The following COL21A1 variants were observed in gnomAD, a reference collection of about 807,000 sequenced individuals.
The protein encoded by COL21A1 is collagen alpha-1(XXI) chain.
In COL21A1, 149 loss-of-function variants were observed where a neutral mutation model predicts 137.9. That is an observed-to-expected ratio of 1.08 (90% CI 0.95 to 1.24). The LOEUF is 1.24. Among genes scored for constraint, COL21A1 ranks in the 50% most tolerant of loss-of-function variants. The pLI is 0.00. For missense variants in COL21A1, 1,167 were observed against 1,158.4 expected (o/e 1.01, Z -0.11); for synonymous variants, 456 against 391.5 (o/e 1.16, Z -1.95).
chr6:56,260,812 G>C (rs938778333), intron 1 of COL21A1, among the ~76,000 whole-genome samples: 1 of 141,470 alleles, frequency 7.1e-6, no homozygotes, highest in Non-Finnish European at 1.5e-5. Flanking sequence ...TGTATTCAAA[G>C]AAGCCACATT....
intron 1 of COL21A1, among the ~76,000 whole-genome samples, chr6:56,294,991 A>G (rs1764129736): frequency 6.6e-6 from 1 of 151,880 alleles, no homozygotes; most frequent in Admixed American, 6.6e-5. Flanking sequence ...TGTTTTTGGT[A>G]TTGTATATAA....
chr6:56,351,737 C>T (rs947857581), intron 1 of COL21A1, among the ~76,000 whole-genome samples: 2 of 152,198 alleles, frequency 1.3e-5, no homozygotes, highest in Admixed American at 1.3e-4. Context: ...ATTGGAACCA[C>T]TGCTGGAAGA....
intron 12 of COL21A1, among the ~76,000 whole-genome samples, chr6:56,128,062 C>A (rs1773195794): frequency 6.6e-6 from 1 of 152,124 alleles, no homozygotes; most frequent in Non-Finnish European, 1.5e-5. Flanking sequence ...GCTGGAAGGT[C>A]TTTAGGAAGA....
chr6:56,306,022 G>T (rs1169275716), intron 1 of COL21A1, among the ~76,000 whole-genome samples: 7 of 76,076 alleles, frequency 9.2e-5, no homozygotes, highest in African/African-American at 2.3e-4. Context: ...ATGAAATTCT[G>T]GGTTGAAAAT....
chr6:56,223,809 C>A (rs1781012572), intron 1 of COL21A1, among the ~76,000 whole-genome samples: 1 of 152,054 alleles, frequency 6.6e-6, no homozygotes, highest in Admixed American at 6.6e-5. Flanking sequence ...AAAAGGCTTT[C>A]ACCTTATGAG....
At chr6:56,363,879 GC>G (rs1392626618) in intron 1 of COL21A1, among the ~76,000 whole-genome samples, 1 of 152,184 alleles carries the variant, frequency 6.6e-6, no homozygotes, top group Non-Finnish European at 1.5e-5. Context: ...AAGCAAGAAT[GC>G]CTATATTGCT....
chr6:56,326,657 A>C (rs1765100040), intron 1 of COL21A1, among the ~76,000 whole-genome samples: 2 of 152,066 alleles, frequency 1.3e-5, no homozygotes, highest in Non-Finnish European at 2.9e-5. Context: ...CCTGTTGATT[A>C]GTTGAAACAA....
At chr6:56,197,707 CGTTG>C (rs1779116292) in intron 1 of COL21A1, among the ~76,000 whole-genome samples, 1 of 151,954 alleles carries the variant, frequency 6.6e-6, no homozygotes, top group African/African-American at 2.4e-5. Context: ...AGATAGCAAG[CGTTG>C]GTGAAGATTG....
chr6:56,118,072 A>T (rs1772097125), intron 16 of COL21A1, among the ~76,000 whole-genome samples: 1 of 152,010 alleles, frequency 6.6e-6, no homozygotes, highest in Non-Finnish European at 1.5e-5. Context: ...GAAGAAAAGA[A>T]ATAATAAAGA....
At chr6:56,092,889 TC>T (rs745971340) in intron 17 of COL21A1, among the ~76,000 whole-genome samples, 17 of 152,136 alleles carry the variant, frequency 1.1e-4, no homozygotes, top group Non-Finnish European at 2.5e-4. Flanking sequence ...GGGCTGTGTG[TC>T]CCCCAGAAGC....
chr6:56,242,153 T>C (rs1442296333), intron 1 of COL21A1, among the ~76,000 whole-genome samples: 1 of 152,158 alleles, frequency 6.6e-6, no homozygotes, highest in Non-Finnish European at 1.5e-5. Flanking sequence ...AACTCTCTCT[T>C]CCTAATAAAG....
intron 1 of COL21A1, among the ~76,000 whole-genome samples, chr6:56,301,732 T>G (rs1764296594): frequency 6.6e-6 from 1 of 152,186 alleles, no homozygotes; most frequent in African/African-American, 2.4e-5. Context: ...CATTATACTT[T>G]AAGTTTTAGG....
chr6:56,256,212 C>G (rs1294487564), intron 1 of COL21A1, among the ~76,000 whole-genome samples: 1 of 152,220 alleles, frequency 6.6e-6, no homozygotes, highest in Admixed American at 6.5e-5. Context: ...TAACACTTCT[C>G]AGCTCCAGCT....
At chr6:56,134,155 C>A (rs190704141) in intron 12 of COL21A1, among the ~76,000 whole-genome samples, 9 of 152,302 alleles carry the variant, frequency 5.9e-5, no homozygotes, top group Non-Finnish European at 1.0e-4. Flanking sequence ...TGAAAGCAAT[C>A]GAGAGGGAGG....
At chr6:56,304,200 T>C (rs1764375364) in intron 1 of COL21A1, among the ~76,000 whole-genome samples, 1 of 152,078 alleles carries the variant, frequency 6.6e-6, no homozygotes, top group African/African-American at 2.4e-5. Flanking sequence ...TCTCTTTTTT[T>C]GTTGTGTCTC....
At position 56,102,694 on chromosome 6, in the gene COL21A1, G is replaced by C. The variant is rs1413899672; in HGVS notation, c.1759-1169C>G. Among the ~76,000 whole-genome samples, 3 of 151,986 alleles carry C rather than the reference G, an allele frequency of 2.0e-5. No individual in the cohort carries two copies. The East Asian group carries it at 5.8e-4, about 29-fold the overall frequency. ...CTCTAAAATTTGGCAAACATAATCA[G>C]TACTTAGAAAAAAATTCAACCATAT... On this transcript the variant is annotated intron_variant, in intron 16 of 29. Coordinates refer to ENST00000244728, the MANE Select transcript of COL21A1 (RefSeq NM_030820.4).
chr6:56,127,702 G>A (rs140356352), intron 12 of COL21A1, among the ~76,000 whole-genome samples: 162 of 152,300 alleles, frequency 1.1e-3, no homozygotes, highest in African/African-American at 3.6e-3. Flanking sequence ...CTAATAAGAC[G>A]TGTGAAGTCT....
intron 1 of COL21A1, among the ~76,000 whole-genome samples, chr6:56,200,883 A>T (rs1297683678): frequency 2.0e-5 from 3 of 152,058 alleles, no homozygotes; most frequent in Admixed American, 6.6e-5. Flanking sequence ...CGCCACACTG[A>T]CTTCCACAAT....
At chr6:56,079,056 T>G (rs1767498522) in intron 17 of COL21A1, among the ~76,000 whole-genome samples, 2 of 151,708 alleles carry the variant, frequency 1.3e-5, no homozygotes, top group Admixed American at 1.3e-4. Flanking sequence ...AAGATAAACA[T>G]TATTCAAAAT....
Sources: allele counts gnomAD v4.1 joint callset (sites outside exome capture counted in the v4.1 genomes callset), GRCh38; gene constraint gnomAD v4.1.1; transcripts MANE v1.5; gene names NCBI Gene and HGNC (gene_info 2026-07-23, HGNC 2026-07-21).